DTL: variants seen among roughly 807,000 people sequenced by gnomAD.
DTL encodes denticleless protein homolog.
Under a neutral mutation model 87.0 loss-of-function variants are expected in DTL, and 46 were observed. That is an observed-to-expected ratio of 0.53 (90% CI 0.42 to 0.68). The LOEUF is 0.68. Ranked by LOEUF, DTL falls within the 30% of genes least tolerant of loss-of-function variation. The pLI is 0.00. For synonymous variants in DTL, 308 were observed against 311.2 expected (o/e 0.99, Z 0.11); for missense variants, 737 against 869.4 (o/e 0.85, Z 1.91).
rs371361310 is a variant in DTL at position 212,070,157 on chromosome 1, T to G, written c.922+1454T>G. Among the ~76,000 whole-genome samples the G allele has an allele frequency of 3.6e-4, 55 of 152,348 alleles. 2 individuals carry two copies. The South Asian group carries it at 0.011, about 30-fold the overall frequency. On this transcript the variant is annotated intron_variant, in intron 10 of 14. Transcript: ENST00000366991. ...TATTATCAGATGTACAAGAGCTCTT[T>G]CTATATAATTTTTGCTACAGTGTGG...
At chr1:212,101,354 A>G (rs1481694878) in intron 14 of DTL, among the ~76,000 whole-genome samples, 1 of 152,204 alleles carries the variant, frequency 6.6e-6, no homozygotes, top group Non-Finnish European at 1.5e-5. Flanking sequence ...ACTTACTCCC[A>G]TTAAAATCCC....
intron 14 of DTL, among the ~76,000 whole-genome samples, chr1:212,101,782 C>T (rs1655632833): frequency 1.3e-5 from 2 of 152,284 alleles, no homozygotes; most frequent in South Asian, 4.1e-4. Flanking sequence ...TAGATAATAT[C>T]AGTCATCAGT....
chr1:212,057,857 G>A (rs1032267804), intron 5 of DTL, among the ~76,000 whole-genome samples: 17 of 152,028 alleles, frequency 1.1e-4, no homozygotes, highest in Non-Finnish European at 1.9e-4. Context: ...GTGAAGACAA[G>A]TATAAACTGA....
At chr1:212,038,342 G>C (rs1667547221) in intron 1 of DTL, among the ~76,000 whole-genome samples, 1 of 152,202 alleles carries the variant, frequency 6.6e-6, no homozygotes, top group South Asian at 2.1e-4. Flanking sequence ...TGTGTGGGTT[G>C]ATTAGCACCT....
At chr1:212,044,634 T>A in intron 2 of DTL, 26 bp from the exon 3 acceptor site, 4 of 1,437,186 alleles carry the variant, frequency 2.8e-6, no homozygotes, top group Non-Finnish European at 3.9e-6. Flanking sequence ...TTACTCTATA[T>A]ATTTTTTTCT....
chr1:212,085,196 TAG>T (rs1214410108), intron 13 of DTL, among the ~76,000 whole-genome samples: 6 of 152,230 alleles, frequency 3.9e-5, no homozygotes, highest in Admixed American at 3.3e-4. Context: ...ACTCAAGATA[TAG>T]AGAGTCAACT....
At chr1:212,061,292 C>T (rs933154306) in intron 5 of DTL, among the ~76,000 whole-genome samples, 6 of 151,502 alleles carry the variant, frequency 4.0e-5, no homozygotes, top group Admixed American at 6.6e-5. Context: ...AGACATTTCG[C>T]GAAAGAAGAC....
intron 1 of DTL, 39 bp from the exon 2 acceptor site, chr1:212,042,954 T>C: frequency 6.5e-7 from 1 of 1,539,612 alleles, no homozygotes. Context: ...TGAAATGTGA[T>C]GCTGTATTGG....
chr1:212,065,800 G>A (rs1209098925), intron 7 of DTL, among the ~76,000 whole-genome samples: 1 of 152,142 alleles, frequency 6.6e-6, no homozygotes, highest in Non-Finnish European at 1.5e-5. Context: ...CCGCCTCCCA[G>A]GTTCACACCA....
intron 1 of DTL, 50 bp from the exon 2 acceptor site, chr1:212,042,943 C>A: frequency 6.6e-7 from 1 of 1,511,740 alleles, no homozygotes; most frequent in Non-Finnish European, 8.9e-7. Context: ...GTTAAAAATG[C>A]TGAAATGTGA....
At chr1:212,099,868 T>C (rs1463355864) in intron 13 of DTL, among the ~76,000 whole-genome samples, 2 of 152,200 alleles carry the variant, frequency 1.3e-5, no homozygotes, top group Non-Finnish European at 2.9e-5. Context: ...TAGTCCTGCC[T>C]CCTATCTGCC....
intron 6 of DTL, among the ~76,000 whole-genome samples, chr1:212,063,976 TC>T (rs533326196): frequency 1.8e-3 from 262 of 149,426 alleles, no homozygotes; most frequent in Non-Finnish European, 3.0e-3. Context: ...CGCTGCAACC[TC>T]CGCCTCCTGG....
rs199578221 is a variant in DTL at position 212,100,251 on chromosome 1, G to A, written c.1262-1G>A. The A allele has an allele frequency of 1.2e-5, 19 of 1,529,672 alleles. No homozygotes were observed. The highest frequency in any genetic ancestry group is 1.3e-5 in the Non-Finnish European group (15 of 1,140,270). 94.8% of individuals were successfully genotyped at this position (1,529,672 alleles called of 1,614,324 possible). ...CTTCATGATCCTCTCCTCTTTTTCA[G>A]TAACAGTAACGAGTAGCCAGAGTAC... is the stretch of plus-strand genomic sequence containing the variant. On this transcript the variant is annotated splice_acceptor_variant, in intron 13 of 14. Transcript: ENST00000366991. LOFTEE classifies it high-confidence loss of function.
chr1:212,044,411 C>T (rs1667746874), intron 2 of DTL, among the ~76,000 whole-genome samples: 4 of 152,020 alleles, frequency 2.6e-5, no homozygotes. Context: ...TCGAGAGCAG[C>T]CTGACCAGCA....
chr1:212,074,622 G>C (rs1654775294), intron 11 of DTL, among the ~76,000 whole-genome samples: 1 of 152,138 alleles, frequency 6.6e-6, no homozygotes, highest in Non-Finnish European at 1.5e-5. Flanking sequence ...AATTTGCCTA[G>C]TGAGGTGGCT....
intron 5 of DTL, among the ~76,000 whole-genome samples, chr1:212,053,740 C>T (rs1668070921): frequency 6.6e-6 from 1 of 152,086 alleles, no homozygotes; most frequent in Admixed American, 6.6e-5. Flanking sequence ...TGCATGCCAC[C>T]ACACCCAGCT....
intron 12 of DTL, 184 bp from the exon 13 acceptor site, chr1:212,080,430 GA>G (rs1228908623): frequency 9.3e-6 from 5 of 540,174 alleles, no homozygotes; most frequent in Non-Finnish European, 1.6e-5. Context: ...AGCTTTGTTG[GA>G]AATCTGGAAT....
chr1:212,081,025 C>T lies in DTL; in HGVS notation c.1261+275C>T, dbSNP rs555983475. On this transcript the variant is annotated intron_variant, in intron 13 of 14. Transcript: ENST00000366991. ...TAGTTGCTAGGGATTCAGCAATGAA[C>T]AAAAGAATAAAAAATCCTGAAGATG... Among the ~76,000 whole-genome samples, 8 of 151,504 alleles carry T rather than the reference C, an allele frequency of 5.3e-5. No homozygotes were observed. In the East Asian group the frequency reaches 1.2e-3, roughly 22 times the overall value.
chr1:212,101,122 T>C (rs752339509), intron 14 of DTL, 38 bp downstream of exon 14: 2 of 1,423,220 alleles, frequency 1.4e-6, no homozygotes, highest in Non-Finnish European at 1.9e-6. Context: ...TTTCCTAACT[T>C]AAAAGGGGCC....
Sources: gnomAD v4.1 joint callset for allele counts (sites outside exome capture counted in the v4.1 genomes callset) on GRCh38, gnomAD v4.1.1 for gene constraint, MANE v1.5 for transcripts, NCBI Gene and HGNC (gene_info 2026-07-23, HGNC 2026-07-21) for gene names.